Variants in THRAP3 observed in about 807,000 individuals in gnomAD.
THRAP3 encodes thyroid hormone receptor-associated protein 3.
A neutral mutation model predicts 101.0 loss-of-function variants in THRAP3; 16 were observed. The observed-to-expected ratio is 0.16, with a 90% CI of 0.11 to 0.24. The LOEUF is 0.24. Among genes scored for constraint, THRAP3 ranks in the 10% least tolerant of loss-of-function variants. THRAP3 has a pLI of 1.00. For synonymous variants in THRAP3, 407 were observed against 422.6 expected, an observed-to-expected ratio of 0.96 and a Z score of 0.45; for missense variants, 989 against 1,202.7, an observed-to-expected ratio of 0.82 and a Z score of 2.63.
rs757685392 is a variant in THRAP3, at chr1:36,282,735, A to G, written c.137+35A>G. Reference sequence around the variant, plus strand: ...TGTGACTTTGTATATTGAGATAATCATTGCATCAGTCGATGTGGATGTTTG... The same window carrying G: ...TGTGACTTTGTATATTGAGATAATCGTTGCATCAGTCGATGTGGATGTTTG... On this transcript the variant is annotated intron_variant, in intron 3 of 11. Coordinates refer to ENST00000354618, the MANE Select transcript of THRAP3 (RefSeq NM_005119.4). The G allele has an allele frequency of 2.0e-5, 32 of 1,610,794 alleles. No homozygotes were observed. The South Asian group carries it at 2.5e-4, about 13-fold the overall frequency.
chr1:36,296,376 G>T (rs550727907), intron 8 of THRAP3, among the ~76,000 whole-genome samples: 1 of 152,248 alleles, frequency 6.6e-6, no homozygotes, highest in African/African-American at 2.4e-5. Flanking sequence ...TCATTGTTTT[G>T]GAGGACTGGC....
rs143670803 is a variant in THRAP3 at position 36,289,760 on chromosome 1, G to A, written c.1741G>A (p.Ala581Thr). 159 of 1,600,968 alleles carry A rather than the reference G, an allele frequency of 9.9e-5. No homozygotes were observed. In the African/African-American group the frequency reaches 1.7e-3, roughly 17 times the overall value. ...GATGGACTCTTTTGATGAGGACCTCGCACGGTGAGATATGCTCCTTCTTGA... is the reference window on the plus strand; with the variant it reads ...GATGGACTCTTTTGATGAGGACCTCACACGGTGAGATATGCTCCTTCTTGA... ...VRMDSFDEDL[A>T]RPSGLLAQER... The change falls in exon 5 of 12, where the codon GCA becomes ACA. Residue 581 changes from alanine to threonine, a missense_variant. By Grantham distance (58) the Ala-to-Thr change is moderately conservative. Transcript: ENST00000354618.
At chr1:36,269,068 G>A (rs1234273768) in intron 2 of THRAP3, among the ~76,000 whole-genome samples, 1 of 134,094 alleles carries the variant, frequency 7.5e-6, no homozygotes, top group Non-Finnish European at 1.7e-5. Flanking sequence ...ACAGAATTGG[G>A]TATTTTGTCT....
rs187830677 is a variant in THRAP3, at chr1:36,244,025, C to A, written c.-134-15357C>A. ...GGCGGCTGGCCGGGCGGGGGGCTGACCCCCCCACCTCCCTCCCGGACGGGG... is the reference window on the plus strand; with the variant it reads ...GGCGGCTGGCCGGGCGGGGGGCTGAACCCCCCACCTCCCTCCCGGACGGGG... On this transcript the variant is annotated intron_variant, in intron 1 of 11. Transcript: ENST00000354618. Among the ~76,000 whole-genome samples the A allele has an allele frequency of 8.4e-3, 1,162 of 139,038 alleles. 5 individuals carry two copies. The highest frequency in any genetic ancestry group is 0.013 in the African/African-American group (486 of 37,770). The allele number at this position is 139,038 out of a possible 152,430, so 91.2% of individuals were successfully genotyped here. A position where few individuals can be genotyped will look rare whatever the true frequency, so the allele number is the denominator to read the frequency against.
chr1:36,214,215 T>C, the THRAP3 span, among the ~76,000 whole-genome samples: 3 of 152,166 alleles, frequency 2.0e-5, no homozygotes, highest in African/African-American at 7.2e-5. Flanking sequence ...TCTCCGTAGG[T>C]GGCACAGATG....
chr1:36,284,706 T>C (rs1281728884), intron 3 of THRAP3, among the ~76,000 whole-genome samples: 1 of 152,210 alleles, frequency 6.6e-6, no homozygotes, highest in East Asian at 1.9e-4. Context: ...ACTGTGAGTT[T>C]TGGATGCAGT....
the THRAP3 span, among the ~76,000 whole-genome samples, chr1:36,209,108 C>T: frequency 1.3e-5 from 2 of 150,294 alleles, no homozygotes; most frequent in African/African-American, 4.9e-5. Context: ...TCTCAAGTAG[C>T]TGGAACTACA....
At chr1:36,297,670 C>T (rs1455101515) in intron 9 of THRAP3, among the ~76,000 whole-genome samples, 1 of 150,466 alleles carries the variant, frequency 6.6e-6, no homozygotes, top group East Asian at 2.0e-4. Context: ...GTCTTGAACT[C>T]CCGACCTCAT....
chr1:36,259,225 A>G (rs781477319), intron 1 of THRAP3, among the ~76,000 whole-genome samples, 157 bp from the exon 2 acceptor site: 2 of 152,218 alleles, frequency 1.3e-5, no homozygotes, highest in Non-Finnish European at 2.9e-5. Flanking sequence ...CCTGTCAGAC[A>G]GAGGCAGACC....
At chr1:36,302,570 C>G (rs891945739) in intron 11 of THRAP3, among the ~76,000 whole-genome samples, 26 of 152,146 alleles carry the variant, frequency 1.7e-4, no homozygotes, top group Admixed American at 1.5e-3. Context: ...TCCTATCTGC[C>G]ACCTGAGAGA....
intron 9 of THRAP3, among the ~76,000 whole-genome samples, chr1:36,299,756 G>A (rs1212697492): frequency 2.6e-5 from 4 of 152,044 alleles, no homozygotes; most frequent in African/African-American, 9.7e-5. Flanking sequence ...TGATCCAGCC[G>A]CCTTGGCCTC....
intron 2 of THRAP3, among the ~76,000 whole-genome samples, chr1:36,274,136 T>C (rs1206255716): frequency 2.7e-5 from 4 of 150,348 alleles, no homozygotes; most frequent in Non-Finnish European, 5.9e-5. Flanking sequence ...TTCTATACAG[T>C]AGCAATGAAC....
chr1:36,300,450 G>C (rs906723709), intron 9 of THRAP3, among the ~76,000 whole-genome samples: 15 of 152,310 alleles, frequency 9.8e-5, no homozygotes, highest in Middle Eastern at 3.4e-3. Flanking sequence ...CTGTAAGACA[G>C]GTAGCATTCC....
intron 2 of THRAP3, among the ~76,000 whole-genome samples, chr1:36,278,740 A>G (rs143709340): frequency 0.011 from 1,641 of 152,134 alleles, 24 homozygotes; most frequent in African/African-American, 0.037. Context: ...TGGCTAACAC[A>G]GTGAAACCCC....
At chr1:36,214,019 AAAGAAAGAAAGAAAG>A in the THRAP3 span, among the ~76,000 whole-genome samples, 1 of 128,344 alleles carries the variant, frequency 7.8e-6, no homozygotes. Context: ...AGAAAGAAAG[AAAGAAAGAAAGAAAG>A]AAAGAAAGAA....
In THRAP3 at chr1:36,278,690, G is replaced by A. The variant is rs572532373; in HGVS notation, c.-31-3843G>A. Among the ~76,000 whole-genome samples, 510 of 152,262 alleles carry A rather than the reference G, an allele frequency of 3.3e-3. 1 individual carries two copies. Among genetic ancestry groups the A allele is most frequent in the Non-Finnish European group, 6.3e-3 (427 of 68,018 alleles). ...TGTAATCCCAGCACTTTGGGAGGCC[G>A]AGGTGGGCGGATCACGAAGTCAGGA... On this transcript the variant is annotated intron_variant, in intron 2 of 11. Coordinates refer to ENST00000354618, the MANE Select transcript of THRAP3 (RefSeq NM_005119.4).
chr1:36,259,848 G>A (rs530833102), intron 2 of THRAP3, among the ~76,000 whole-genome samples: 1 of 151,998 alleles, frequency 6.6e-6, no homozygotes, highest in Non-Finnish European at 1.5e-5. Flanking sequence ...AACAGTATTC[G>A]TTTGAAAAAG....
chr1:36,291,786 G>T (rs548981403), intron 6 of THRAP3, among the ~76,000 whole-genome samples: 2 of 152,308 alleles, frequency 1.3e-5, no homozygotes, highest in African/African-American at 2.4e-5. Context: ...TTAACACAAA[G>T]ATTTAAAATG....
chr1:36,292,256 CTTTGTTTCTTTTTTTTTTTTTT>C (rs1645882265), intron 6 of THRAP3, among the ~76,000 whole-genome samples: 3 of 54,534 alleles, frequency 5.5e-5, no homozygotes, highest in East Asian at 1.8e-3. Context: ...TAATGTGTTT[CTTTGTTTCTTTTTTTTTTTTTT>C]TTTTTTTTTT....
Sources: gnomAD v4.1 joint callset for allele counts (sites outside exome capture counted in the v4.1 genomes callset) on GRCh38, gnomAD v4.1.1 for gene constraint, MANE v1.5 for transcripts, NCBI Gene and HGNC (gene_info 2026-07-23, HGNC 2026-07-21) for gene names.